PPM1D: variants seen among roughly 807,000 people sequenced by gnomAD.
PPM1D encodes the protein protein phosphatase 1D.
A neutral mutation model predicts 58.3 loss-of-function variants in PPM1D; 52 were observed. The observed-to-expected ratio is 0.89, with a 90% confidence interval of 0.71 to 1.12. PPM1D has a LOEUF of 1.12. Ranked by LOEUF, PPM1D falls within the 50% of genes most tolerant of loss-of-function variation. PPM1D has a pLI of 0.00. For missense variants in PPM1D, 564 were observed against 777.2 expected, an observed-to-expected ratio of 0.73 and a Z score of 3.26; for synonymous variants, 278 against 285.1, an observed-to-expected ratio of 0.98 and a Z score of 0.25.
At chr17:60,645,456 ATGTGTGTGTGTGTG>A (rs371276467) in intron 3 of PPM1D, among the ~76,000 whole-genome samples, 3 of 123,908 alleles carry the variant, frequency 2.4e-5, no homozygotes, top group Admixed American at 8.7e-5. Flanking sequence ...TAAAATATAT[ATGTGTGTGTGTGTG>A]TGTGTGTGTG....
At chr17:60,613,517 T>C (rs1680964172) in intron 1 of PPM1D, among the ~76,000 whole-genome samples, 1 of 152,238 alleles carries the variant, frequency 6.6e-6, no homozygotes, top group African/African-American at 2.4e-5. Context: ...CTGGCTGCGC[T>C]TGAGGAGCCC....
At chr17:60,645,482 G>GTGTGTGTGTGTGTGTGTGTGTA (rs1340556364) in intron 3 of PPM1D, among the ~76,000 whole-genome samples, 4 of 138,480 alleles carry the variant, frequency 2.9e-5, no homozygotes, top group African/African-American at 1.2e-4. Flanking sequence ...GTGTGTGTGT[G>GTGTGTGTGTGTGTGTGTGTGTA]TGTGTGTGTG....
chr17:60,606,663 C>T (rs577534419), intron 1 of PPM1D, among the ~76,000 whole-genome samples: 40 of 152,220 alleles, frequency 2.6e-4, no homozygotes, highest in Middle Eastern at 6.8e-3. Flanking sequence ...TGGTGTTAAG[C>T]TTGACCTCTC....
intron 2 of PPM1D, among the ~76,000 whole-genome samples, chr17:60,629,893 A>G (rs1258537156): frequency 2.0e-5 from 3 of 152,094 alleles, no homozygotes; most frequent in Non-Finnish European, 4.4e-5. Flanking sequence ...CAAAAATATT[A>G]TCCAGGCGTA....
In PPM1D at chr17:60,600,272, GC is replaced by G. The variant is rs1056688796; in HGVS notation, c.-136del. On this transcript the variant is annotated 5_prime_UTR_variant, in exon 1 of 6. Coordinates refer to ENST00000305921, the MANE Select transcript of PPM1D (RefSeq NM_003620.4). ...TCGCGGACAAGTCCAGACATCGCGC[GC>G]CCCCCCTTCTCCGGGTCCGCCCCCT... The G allele has an allele frequency of 7.8e-6, 11 of 1,408,390 alleles. No homozygotes were observed. In the Admixed American group the frequency reaches 8.3e-5, roughly 11 times the overall value. The allele number at this position is 1,408,390 out of a possible 1,614,324, so 87.2% of individuals were successfully genotyped here.
At chr17:60,632,524 A>G (rs929653149) in intron 2 of PPM1D, among the ~76,000 whole-genome samples, 1 of 152,110 alleles carries the variant, frequency 6.6e-6, no homozygotes, top group Non-Finnish European at 1.5e-5. Context: ...CCATGAGTGC[A>G]CCACTGCACT....
In PPM1D at chr17:60,656,820, A is replaced by G. The variant is rs1213702970; in HGVS notation, c.1239A>G (p.Pro413=). 4 of 1,614,002 alleles carry G rather than the reference A, an allele frequency of 2.5e-6. No individual in the cohort carries two copies. The highest frequency in any genetic ancestry group is 3.4e-6 in the Non-Finnish European group (4 of 1,179,964). The change falls in exon 5 of 6, where the codon CCA becomes CCG. Residue 413 remains proline, a synonymous_variant. Coordinates refer to ENST00000305921, the MANE Select transcript of PPM1D (RefSeq NM_003620.4). ...AAACCTGTGTGATGACTCCTTCCCC[A>G]TGTTCTACACCACCAGTCAAGGTAT... ...SQETCVMTPS[P]CSTPPVKSLE... is the part of the protein sequence containing the mutation.
chr17:60,632,455 T>G (rs1184312050), intron 2 of PPM1D, among the ~76,000 whole-genome samples: 1 of 152,106 alleles, frequency 6.6e-6, no homozygotes, highest in Non-Finnish European at 1.5e-5. Flanking sequence ...TCTCAGCTAC[T>G]CAGGAGACTG....
intron 5 of PPM1D, among the ~76,000 whole-genome samples, chr17:60,661,219 CAAAAA>C (rs373913706): frequency 1.2e-4 from 6 of 48,980 alleles, no homozygotes; most frequent in African/African-American, 1.8e-4. Context: ...AACTCCATCT[CAAAAA>C]AAAAAAAAAA....
intron 5 of PPM1D, among the ~76,000 whole-genome samples, chr17:60,659,837 A>G (rs1433108459): frequency 2.0e-5 from 3 of 152,240 alleles, no homozygotes; most frequent in Non-Finnish European, 4.4e-5. Flanking sequence ...GAATGCCAAT[A>G]AAAAGAGAAT....
At chr17:60,628,325 A>G (rs2030852327) in intron 2 of PPM1D, among the ~76,000 whole-genome samples, 1 of 152,158 alleles carries the variant, frequency 6.6e-6, no homozygotes, top group Admixed American at 6.6e-5. Context: ...AGTGTTTGTT[A>G]TAATCAATCA....
intron 4 of PPM1D, 65 bp from the exon 5 acceptor site, chr17:60,656,534 T>G (rs1344657518): frequency 6.4e-7 from 1 of 1,560,890 alleles, no homozygotes; most frequent in African/African-American, 1.4e-5. Context: ...TAATTTGATA[T>G]AGATACAGAT....
intron 1 of PPM1D, 25 bp downstream of exon 1, chr17:60,600,911 C>T (rs1421820801): frequency 1.2e-6 from 2 of 1,612,604 alleles, no homozygotes; most frequent in Non-Finnish European, 8.5e-7. Context: ...TTGTTTGGCG[C>T]CCGCCCCTTT....
rs1167136749 is a variant in PPM1D at position 60,656,847 on chromosome 17, T to C, written c.1260+6T>C. 1 of 1,613,822 alleles carries C rather than the reference T, an allele frequency of 6.2e-7. No individual in the cohort carries two copies. ...GTTCTACACCACCAGTCAAGGTATA[T>C]AGTTCCATAGTTTTTAAGTTATGTT... On this transcript the variant is annotated splice_donor_region_variant and intron_variant, in intron 5 of 5. Coordinates refer to ENST00000305921, the MANE Select transcript of PPM1D (RefSeq NM_003620.4).
intron 3 of PPM1D, among the ~76,000 whole-genome samples, chr17:60,637,851 A>G (rs968400444): frequency 1.4e-4 from 21 of 152,212 alleles, no homozygotes; most frequent in Non-Finnish European, 1.5e-5. Flanking sequence ...AACAGCTGTA[A>G]GTCAAATAGG....
chr17:60,622,675 C>T (rs2030729496), intron 1 of PPM1D, among the ~76,000 whole-genome samples: 1 of 152,152 alleles, frequency 6.6e-6, no homozygotes, highest in Non-Finnish European at 1.5e-5. Flanking sequence ...TCATATCTGT[C>T]TCATAAGTTC....
intron 1 of PPM1D, among the ~76,000 whole-genome samples, chr17:60,615,244 A>G (rs933952487): frequency 2.6e-5 from 4 of 151,988 alleles, no homozygotes; most frequent in African/African-American, 9.7e-5. Context: ...AAAAAATACA[A>G]AAATTAGCTG....
intron 5 of PPM1D, chr17:60,662,475 T>A (rs1436873158): frequency 6.5e-6 from 1 of 153,140 alleles, no homozygotes; most frequent in Admixed American, 6.5e-5. Flanking sequence ...ATGGTTCTTA[T>A]GGAAAAATAT....
At position 60,663,041 on chromosome 17, in the gene PPM1D, T is replaced by C. The variant is rs756026319; in HGVS notation, c.1307T>C (p.Ile436Thr). ...PWPRVNSKDH[I>T]PALVRSNAFS... is the part of the protein sequence containing the mutation. ...CCAAGGGTGAATTCTAAGGACCATA[T>C]ACCTGCCCTGGTTCGTAGCAATGCC... Residue 436 changes from isoleucine (I) to threonine (T), a missense_variant, in exon 6 of 6, where the codon ATA becomes ACA. By Grantham distance (89) the Ile-to-Thr change is moderately conservative. Coordinates refer to ENST00000305921, the MANE Select transcript of PPM1D (RefSeq NM_003620.4). The C allele has an allele frequency of 1.2e-6, 2 of 1,614,148 alleles. No homozygotes were observed. Among genetic ancestry groups the C allele is most frequent in the Non-Finnish European group, 1.7e-6 (2 of 1,179,976 alleles).
Sources: allele counts gnomAD v4.1 joint callset (sites outside exome capture counted in the v4.1 genomes callset), GRCh38; gene constraint gnomAD v4.1.1; transcripts MANE v1.5; gene names NCBI Gene and HGNC (gene_info 2026-07-23, HGNC 2026-07-21).